UBE2N: variants seen among roughly 807,000 people sequenced by gnomAD.
UBE2N encodes ubiquitin conjugating enzyme E2 N, also known as ubiquitin-conjugating enzyme E2 N.
For synonymous variants in UBE2N, 70 were observed against 69.2 expected (o/e 1.01, Z -0.06); for missense variants, 60 against 192.1 (o/e 0.31, Z 4.07).
rs775513031 is a variant in UBE2N at position 93,410,877 on chromosome 12, A to G, written c.278-3T>C. ...CTGCAGTGCTGGGGACCACTTATCT[A>G]TGAAGGCAACAGGCCCAGTATGATA... On this transcript the variant is annotated splice_polypyrimidine_tract_variant and splice_region_variant and intron_variant, in intron 2 of 3. Transcript: ENST00000318066. 2.2e-5 allele frequency: 35 copies of G among 1,614,128 alleles called. No individual in the cohort carries two copies. Among genetic ancestry groups the G allele is most frequent in the Non-Finnish European group, 3.0e-5 (35 of 1,179,982 alleles).
In UBE2N at chr12:93,409,813, T is replaced by G; in HGVS notation, c.*226A>C. The G allele has an allele frequency of 1.9e-6, 1 of 531,908 alleles. No homozygotes were observed. Among genetic ancestry groups the G allele is most frequent in the Non-Finnish European group, 3.4e-6 (1 of 297,210 alleles). The allele number at this position is 531,908 out of a possible 1,614,324, so 32.9% of individuals were successfully genotyped here. A position where few individuals can be genotyped will look rare whatever the true frequency, so the allele number is the denominator to read the frequency against. On this transcript the variant is annotated 3_prime_UTR_variant, in exon 4 of 4. Coordinates refer to ENST00000318066, the MANE Select transcript of UBE2N (RefSeq NM_003348.4). ...AGGGAGGGGCCACTGCTTTTAAACG[T>G]TTCACAACAATCCAGATGATACTTC...
At chr12:93,438,566 T>G (rs545963844) in intron 1 of UBE2N, among the ~76,000 whole-genome samples, 6 of 150,172 alleles carry the variant, frequency 4.0e-5, no homozygotes, top group Non-Finnish European at 7.4e-5. Context: ...CAGGGCCTTA[T>G]AGCTAAGGGG....
At chr12:93,415,394 G>A (rs1174293181) in intron 1 of UBE2N, among the ~76,000 whole-genome samples, 2 of 152,178 alleles carry the variant, frequency 1.3e-5, no homozygotes, top group African/African-American at 4.8e-5. Context: ...TTTAGGTAAT[G>A]TCTCTGGTAT....
chr12:93,428,247 T>C (rs1224727352), intron 1 of UBE2N, among the ~76,000 whole-genome samples: 1 of 152,140 alleles, frequency 6.6e-6, no homozygotes, highest in Non-Finnish European at 1.5e-5. Flanking sequence ...TGAATATATA[T>C]TCATGGACTA....
intron 1 of UBE2N, among the ~76,000 whole-genome samples, chr12:93,425,697 G>A (rs988088454): frequency 6.6e-6 from 1 of 152,150 alleles, no homozygotes; most frequent in African/African-American, 2.4e-5. Flanking sequence ...GCAAAGAGCA[G>A]GAGTATGCAG....
intron 1 of UBE2N, chr12:93,429,409 T>C (rs1878690174): frequency 2.6e-6 from 1 of 378,644 alleles, no homozygotes; most frequent in African/African-American, 2.1e-5. Context: ...GTACTTTAAA[T>C]ACAGTCATGC....
chr12:93,440,470 T>C (rs1414437942), intron 1 of UBE2N, among the ~76,000 whole-genome samples: 16 of 152,238 alleles, frequency 1.1e-4, no homozygotes, highest in Non-Finnish European at 2.2e-4. Flanking sequence ...ACGTCTTATT[T>C]CTCTACATCA....
At chr12:93,412,375 C>T (rs553619135) in intron 1 of UBE2N, among the ~76,000 whole-genome samples, 72 of 152,350 alleles carry the variant, frequency 4.7e-4, no homozygotes, top group African/African-American at 1.6e-3. Context: ...CACCCATACA[C>T]TCTGGTTTTT....
Position 93,408,974 on chromosome 12 carries a change from T to C in UBE2N, c.*1065A>G, listed in dbSNP as rs1877948203. 1 of 152,668 alleles carries C rather than the reference T, an allele frequency of 6.6e-6. No individual in the cohort carries two copies. Among genetic ancestry groups the C allele is most frequent in the Admixed American group, 6.5e-5 (1 of 15,282 alleles). The allele number at this position is 152,668 out of a possible 1,614,324, so 9.5% of individuals were successfully genotyped here. On this transcript the variant is annotated 3_prime_UTR_variant, in exon 4 of 4. Transcript: ENST00000318066. ...TTTAGGCAAAAATGTGGCACAACTG[T>C]GAAAGTCCTACATGTCAGTCACAAC... is the stretch of plus-strand genomic sequence containing the variant.
intron 1 of UBE2N, among the ~76,000 whole-genome samples, chr12:93,438,602 T>C (rs1193821525): frequency 6.7e-6 from 1 of 150,116 alleles, no homozygotes; most frequent in Non-Finnish European, 1.5e-5. Flanking sequence ...GATTCTAATG[T>C]AAGTGTGATG....
intron 1 of UBE2N, among the ~76,000 whole-genome samples, chr12:93,437,712 C>T (rs961856021): frequency 2.6e-5 from 4 of 151,514 alleles, no homozygotes; most frequent in African/African-American, 9.7e-5. Flanking sequence ...TCACTTGAAC[C>T]TGGGAGGTGG....
In UBE2N at chr12:93,409,474, A is replaced by G. The variant is rs980993732; in HGVS notation, c.*565T>C. The G allele has an allele frequency of 3.6e-5, 6 of 167,058 alleles. No individual in the cohort carries two copies. Among genetic ancestry groups the G allele is most frequent in the South Asian group, 2.1e-4 (1 of 4,828 alleles). 10.3% of individuals were successfully genotyped at this position (167,058 alleles called of 1,614,324 possible). On this transcript the variant is annotated 3_prime_UTR_variant, in exon 4 of 4. Coordinates refer to ENST00000318066, the MANE Select transcript of UBE2N (RefSeq NM_003348.4). The stretch of plus-strand genomic sequence containing the variant: ...GGAATCTACACTTGACAGCAATGTT[A>G]TTAGTGAGGGCTGTGATGTTTGTTT...
intron 1 of UBE2N, among the ~76,000 whole-genome samples, chr12:93,435,888 T>C (rs1261836911): frequency 1.3e-5 from 2 of 152,092 alleles, no homozygotes; most frequent in Non-Finnish European, 2.9e-5. Context: ...AGAGACCCTG[T>C]TTCAAAAAAT....
intron 1 of UBE2N, among the ~76,000 whole-genome samples, chr12:93,435,495 T>C (rs1014358469): frequency 1.4e-4 from 21 of 151,350 alleles, no homozygotes; most frequent in African/African-American, 4.9e-4. Flanking sequence ...AAAAAAATGT[T>C]CAAGGCAGAG....
chr12:93,434,878 CATA>C (rs1878884662), intron 1 of UBE2N, among the ~76,000 whole-genome samples: 3 of 151,670 alleles, frequency 2.0e-5, no homozygotes, highest in African/African-American at 7.3e-5. Flanking sequence ...CTGTCTTCAT[CATA>C]ATGAGTTTGT....
chr12:93,422,348 T>C (rs943170140), intron 1 of UBE2N, among the ~76,000 whole-genome samples: 10 of 152,230 alleles, frequency 6.6e-5, no homozygotes, highest in African/African-American at 2.4e-4. Flanking sequence ...ACTTTAGTGA[T>C]TTAAATAATG....
At chr12:93,414,695 C>T (rs574740291) in intron 1 of UBE2N, among the ~76,000 whole-genome samples, 1 of 152,282 alleles carries the variant, frequency 6.6e-6, no homozygotes, top group African/African-American at 2.4e-5. Context: ...CTTGCTCCCT[C>T]AGCTCCTAAG....
chr12:93,418,398 T>C (rs1482936800), intron 1 of UBE2N, among the ~76,000 whole-genome samples: 1 of 151,624 alleles, frequency 6.6e-6, no homozygotes, highest in East Asian at 1.9e-4. Flanking sequence ...AAGTTAATTA[T>C]CATCAATGGA....
rs1877814023 is a variant in UBE2N, at chr12:93,406,305, A to AAG, written c.*3733_*3734insCT. ...AAAAAAAAAAAAAAAAAAAAAAAAAAGGTTCCTGAACCATTCAACAGAAAA... is the reference window on the plus strand; with the variant it reads ...AAAAAAAAAAAAAAAAAAAAAAAAAAAGGGTTCCTGAACCATTCAACAGAAAA... On this transcript the variant is annotated 3_prime_UTR_variant, in exon 4 of 4. Coordinates refer to ENST00000318066, the MANE Select transcript of UBE2N (RefSeq NM_003348.4). 2.2e-5 allele frequency: 3 copies of AAG among 136,294 alleles called. No individual in the cohort carries two copies. The highest frequency in any genetic ancestry group is 4.9e-5 in the Non-Finnish European group (3 of 61,678). The allele number at this position is 136,294 out of a possible 1,614,324, so 8.4% of individuals were successfully genotyped here. A position where few individuals can be genotyped will look rare whatever the true frequency, so the allele number is the denominator to read the frequency against.
Sources: allele counts gnomAD v4.1 joint callset (sites outside exome capture counted in the v4.1 genomes callset), GRCh38; gene constraint gnomAD v4.1.1; transcripts MANE v1.5; gene names NCBI Gene and HGNC (gene_info 2026-07-23, HGNC 2026-07-21).